ASIC2: variants seen among roughly 807,000 people sequenced by gnomAD.
ASIC2 encodes the protein acid-sensing ion channel 2.
A neutral mutation model predicts 57.3 loss-of-function variants in ASIC2; 25 were observed. The observed-to-expected ratio is 0.44, with a 90% CI of 0.32 to 0.61. The LOEUF (loss-of-function observed/expected upper bound fraction) is 0.61. Ranked by LOEUF, ASIC2 falls within the 20% of genes least tolerant of loss-of-function variation. The pLI is 0.06. For synonymous variants in ASIC2, 319 were observed against 307.5 expected (o/e 1.04, Z -0.39); for missense variants, 641 against 738.1 (o/e 0.87, Z 1.52).
chr17:33,682,941 A>C (rs1178531023), intron 1 of ASIC2, among the ~76,000 whole-genome samples: 1 of 152,244 alleles, frequency 6.6e-6, no homozygotes, highest in Non-Finnish European at 1.5e-5. Context: ...ATTGCAAGAG[A>C]TGTAATTGTC....
chr17:33,341,508 C>T (rs1222549652), intron 1 of ASIC2, among the ~76,000 whole-genome samples: 1 of 152,210 alleles, frequency 6.6e-6, no homozygotes, highest in African/African-American at 2.4e-5. Flanking sequence ...TTTTAAACTA[C>T]AATGCTAGAG....
intron 1 of ASIC2, among the ~76,000 whole-genome samples, chr17:33,549,923 CTAAACCTAGGGACGCT>C (rs1296449876): frequency 6.6e-6 from 1 of 152,182 alleles, no homozygotes; most frequent in Non-Finnish European, 1.5e-5. Context: ...CATGGGGCGG[CTAAACCTAGGGACGCT>C]GAGACAGCCT....
At chr17:33,886,523 A>G (rs994106598) in intron 1 of ASIC2, among the ~76,000 whole-genome samples, 5 of 152,118 alleles carry the variant, frequency 3.3e-5, no homozygotes, top group Admixed American at 3.3e-4. Flanking sequence ...ACACATATAC[A>G]CACACACATG....
At chr17:33,345,189 C>T (rs1907895488) in intron 1 of ASIC2, among the ~76,000 whole-genome samples, 1 of 151,904 alleles carries the variant, frequency 6.6e-6, no homozygotes, top group African/African-American at 2.4e-5. Context: ...AATCTGTTCT[C>T]CAGAGTAGTC....
intron 3 of ASIC2, among the ~76,000 whole-genome samples, chr17:33,077,947 C>A (rs931776744): frequency 1.3e-5 from 2 of 152,064 alleles, no homozygotes; most frequent in Non-Finnish European, 2.9e-5. Context: ...CAGCTTTTGG[C>A]CTATGCATGG....
At chr17:33,837,755 C>G (rs1280657503) in intron 1 of ASIC2, among the ~76,000 whole-genome samples, 1 of 152,126 alleles carries the variant, frequency 6.6e-6, no homozygotes, top group Non-Finnish European at 1.5e-5. Flanking sequence ...AGTGACTCAC[C>G]CTGTTTAACT....
At chr17:33,800,859 A>G (rs1477461891) in intron 1 of ASIC2, among the ~76,000 whole-genome samples, 1 of 152,144 alleles carries the variant, frequency 6.6e-6, no homozygotes, top group African/African-American at 2.4e-5. Context: ...CACTGTATGG[A>G]TGGAGAAGGG....
chr17:34,034,104 A>C (rs1907753393), intron 1 of ASIC2, among the ~76,000 whole-genome samples: 1 of 152,200 alleles, frequency 6.6e-6, no homozygotes, highest in Non-Finnish European at 1.5e-5. Flanking sequence ...TCAATACAAA[A>C]ATTCTCAATA....
rs113142803 is a variant in ASIC2, at chr17:33,203,050, T to C, written c.708+88358A>G. Among the ~76,000 whole-genome samples the C allele has an allele frequency of 6.8e-3, 1,038 of 152,292 alleles. 7 individuals carry two copies. The highest frequency in any genetic ancestry group is 0.014 in the African/African-American group (593 of 41,560). On this transcript the variant is annotated intron_variant, in intron 1 of 9. Transcript: ENST00000225823. Reference sequence around the variant, plus strand: ...GAGAAAGGTGGCACGTGGTGTCTGCTCCAGTGAGCCCAGAAAATTTGCACG... The same window carrying C: ...GAGAAAGGTGGCACGTGGTGTCTGCCCCAGTGAGCCCAGAAAATTTGCACG...
chr17:33,072,934 C>T (rs1009571399), intron 3 of ASIC2, among the ~76,000 whole-genome samples: 1 of 152,202 alleles, frequency 6.6e-6, no homozygotes, highest in Non-Finnish European at 1.5e-5. Context: ...TCAACGCCAT[C>T]CCAGGCGAGC....
At chr17:33,207,034 G>A (rs192565296) in intron 1 of ASIC2, among the ~76,000 whole-genome samples, 12 of 152,108 alleles carry the variant, frequency 7.9e-5, no homozygotes, top group East Asian at 3.9e-4. Context: ...AATAATTCCC[G>A]CCCTGACCAT....
rs756810694 is a variant in ASIC2, at chr17:33,669,938, G to A, written c.555+486040C>T. Among the ~76,000 whole-genome samples the A allele has an allele frequency of 2.6e-5, 4 of 152,176 alleles. No homozygotes were observed. In the South Asian group the frequency reaches 8.3e-4, roughly 32 times the overall value. ...ACAGAAGTGCACTGTCTGAAAAAGG[G>A]AGAGGCTGAAAAGGTTGAGAGATTT... On this transcript the variant is annotated intron_variant, in intron 1 of 9. Coordinates refer to the ASIC2 transcript ENST00000359872.
At chr17:33,332,116 T>C (rs999888834) in intron 1 of ASIC2, among the ~76,000 whole-genome samples, 2 of 152,234 alleles carry the variant, frequency 1.3e-5, no homozygotes, top group Non-Finnish European at 2.9e-5. Flanking sequence ...TGATGCCTAG[T>C]TGACCAAGTG....
intron 1 of ASIC2, among the ~76,000 whole-genome samples, chr17:33,206,195 G>T (rs1447510775): frequency 6.6e-6 from 1 of 152,124 alleles, no homozygotes; most frequent in Non-Finnish European, 1.5e-5. Context: ...CCACGAAACA[G>T]AAATGCTTGC....
In ASIC2 at chr17:33,974,429, T is replaced by C. The variant is rs760294304; in HGVS notation, c.555+181549A>G. On this transcript the variant is annotated intron_variant, in intron 1 of 9. Transcript: ENST00000359872. ...TTGCCTGCCTGGCACCCCAGCCCTA[T>C]CCCTGGATTTTTCCTTGGGCAGTCA... Among the ~76,000 whole-genome samples, 19 of 152,262 alleles carry C rather than the reference T, an allele frequency of 1.2e-4. No individual in the cohort carries two copies. The South Asian group carries it at 1.5e-3, about 12-fold the overall frequency.
intron 1 of ASIC2, among the ~76,000 whole-genome samples, chr17:33,835,983 C>T (rs1455905275): frequency 6.6e-6 from 1 of 150,674 alleles, no homozygotes; most frequent in African/African-American, 2.4e-5. Flanking sequence ...TAATTATTAA[C>T]ATTTTAGAGG....
At chr17:33,055,224 C>T (rs1377357172) in intron 3 of ASIC2, among the ~76,000 whole-genome samples, 4 of 152,224 alleles carry the variant, frequency 2.6e-5, no homozygotes, top group Non-Finnish European at 5.9e-5. Context: ...GGGATATGTC[C>T]GATTTGGCCC....
intron 1 of ASIC2, among the ~76,000 whole-genome samples, chr17:33,856,930 C>T (rs955898536): frequency 1.3e-5 from 2 of 151,992 alleles, no homozygotes; most frequent in East Asian, 3.9e-4. Flanking sequence ...GGAGTGTGGG[C>T]TTGTCTTGTA....
At chr17:34,121,949 G>A (rs1013685408) in intron 1 of ASIC2, among the ~76,000 whole-genome samples, 1 of 151,970 alleles carries the variant, frequency 6.6e-6, no homozygotes, top group Admixed American at 6.6e-5. Context: ...GCCCTTCTCT[G>A]CACTTTTAGA....
Sources: gnomAD v4.1 joint callset for allele counts (sites outside exome capture counted in the v4.1 genomes callset) on GRCh38, gnomAD v4.1.1 for gene constraint, MANE v1.5 for transcripts, NCBI Gene and HGNC (gene_info 2026-07-23, HGNC 2026-07-21) for gene names.